Variants in CASZ1 observed in about 807,000 individuals in gnomAD.
The protein encoded by CASZ1 is zinc finger protein castor homolog 1.
A neutral mutation model predicts 135.2 loss-of-function variants in CASZ1; 28 were observed. The ratio of observed to expected loss-of-function variants is 0.21; its 90% CI spans 0.15 to 0.28. The LOEUF is 0.28. Ranked by LOEUF, CASZ1 falls within the 10% of genes least tolerant of loss-of-function variation. CASZ1 has a pLI of 1.00. For synonymous variants in CASZ1, 1,068 were observed against 1,073.4 expected, an observed-to-expected ratio of 0.99 and a Z score of 0.10; for missense variants, 2,161 against 2,453.3, an observed-to-expected ratio of 0.88 and a Z score of 2.52.
rs1639021565 is a variant in CASZ1 at position 10,699,940 on chromosome 1, G to T, written c.-24+5552C>A. Among the ~76,000 whole-genome samples the T allele has an allele frequency of 6.6e-6, 1 of 151,982 alleles. No individual in the cohort carries two copies. The highest frequency in any genetic ancestry group is 2.4e-5 in the African/African-American group (1 of 41,380). On this transcript the variant is annotated intron_variant, in intron 3 of 20. Coordinates refer to ENST00000377022, the MANE Select transcript of CASZ1 (RefSeq NM_001079843.3). This position sits in a 1 kb window ranked among gnomAD's most constrained non-coding sequence, Gnocchi z 4.6. ...GAGAGAGGTAGGTGGGAAGAAAAAG[G>T]TGAGAAGAAACAGAAGAGAAGCAGA...
chr1:10,693,512 A>G (rs976205170), intron 4 of CASZ1, among the ~76,000 whole-genome samples: 2 of 125,792 alleles, frequency 1.6e-5, no homozygotes, highest in Middle Eastern at 4.0e-3. Context: ...AAAAAAAAAA[A>G]AAAAAAAAAA....
intron 5 of CASZ1, 55 bp from the exon 6 acceptor site, chr1:10,660,591 G>C: frequency 6.6e-7 from 1 of 1,515,724 alleles, no homozygotes; most frequent in Non-Finnish European, 8.9e-7. Flanking sequence ...AGGGACAGGA[G>C]GTCCCCCCAC....
At chr1:10,652,655 C>T (rs1207721730) in intron 11 of CASZ1, 2 of 152,236 alleles carry the variant, frequency 1.3e-5, no homozygotes, top group African/African-American at 4.8e-5. Flanking sequence ...GAGAACTGCG[C>T]CCCTCAGTGA....
chr1:10,779,279 ATTTT>A (rs386366223), intron 1 of CASZ1, among the ~76,000 whole-genome samples: 6,007 of 125,190 alleles, frequency 0.048, 170 homozygotes, highest in African/African-American at 0.088. Flanking sequence ...TAATTTTATA[ATTTT>A]TTTTTTTTTT....
chr1:10,696,918 G>A (rs1159107019), intron 3 of CASZ1, among the ~76,000 whole-genome samples: 1 of 152,180 alleles, frequency 6.6e-6, no homozygotes, highest in Non-Finnish European at 1.5e-5. Flanking sequence ...TAACTCGGGG[G>A]GTCTCAGGCA....
intron 1 of CASZ1, among the ~76,000 whole-genome samples, chr1:10,781,411 A>C (rs933939541): frequency 6.6e-6 from 1 of 152,180 alleles, no homozygotes; most frequent in African/African-American, 2.4e-5. Context: ...AGGAGAACCA[A>C]GATGGCGCCA....
chr1:10,665,730 C>T (rs1445108638), intron 4 of CASZ1, among the ~76,000 whole-genome samples, 159 bp from the exon 5 acceptor site: 1 of 152,258 alleles, frequency 6.6e-6, no homozygotes, highest in Non-Finnish European at 1.5e-5. Flanking sequence ...CTATCTCCCC[C>T]ACTAGTCTAT....
rs147928153 is a variant in CASZ1 at position 10,677,779 on chromosome 1, T to G, written c.17-12208A>C. Among the ~76,000 whole-genome samples, 741 of 152,330 alleles carry G rather than the reference T, an allele frequency of 4.9e-3. 4 individuals carry two copies. The highest frequency in any genetic ancestry group is 0.016 in the African/African-American group (684 of 41,568). ...CAGAGCTTTCCGCAGCCTTGGAGATTGCACCAGGCCCCTCGGGCCCCAAAT... is the reference window on the plus strand; with the variant it reads ...CAGAGCTTTCCGCAGCCTTGGAGATGGCACCAGGCCCCTCGGGCCCCAAAT... On this transcript the variant is annotated intron_variant, in intron 4 of 20. Coordinates refer to ENST00000377022, the MANE Select transcript of CASZ1 (RefSeq NM_001079843.3).
At chr1:10,768,128 A>G (rs1342378357) in intron 1 of CASZ1, among the ~76,000 whole-genome samples, 1 of 152,132 alleles carries the variant, frequency 6.6e-6, no homozygotes, top group African/African-American at 2.4e-5. Flanking sequence ...GGCCGCCCTG[A>G]TCTCAGGAGG....
intron 1 of CASZ1, among the ~76,000 whole-genome samples, chr1:10,784,386 C>T (rs975760752): frequency 6.6e-6 from 1 of 152,180 alleles, no homozygotes; most frequent in Non-Finnish European, 1.5e-5. Context: ...CTGCCCAGCA[C>T]AGGACCTCCA....
chr1:10,723,521 C>T (rs545588137), intron 2 of CASZ1, among the ~76,000 whole-genome samples: 8 of 152,364 alleles, frequency 5.3e-5, no homozygotes, highest in Admixed American at 3.3e-4. Context: ...CTCACCCCTG[C>T]CCCGGTGCCC....
intron 1 of CASZ1, among the ~76,000 whole-genome samples, chr1:10,775,319 A>C (rs1570582388): frequency 6.6e-6 from 1 of 151,918 alleles, no homozygotes; most frequent in Non-Finnish European, 1.5e-5. Context: ...TTCTCCGCCT[A>C]CCTATAACCA....
rs1029084923 is a variant in CASZ1, at chr1:10,756,172, G to T, written c.-77+4529C>A. 8.7e-4 allele frequency among the ~76,000 whole-genome samples: 133 copies of T among 152,090 alleles called. 1 individual carries two copies. Among genetic ancestry groups the T allele is most frequent in the Middle Eastern group, 3.4e-3 (1 of 294 alleles). ...GGCCTGGGAGAGCCCCACCACTCCC[G>T]CAAGCCGCTGCCAGCCTGCACTTCT... is the stretch of plus-strand genomic sequence containing the variant. On this transcript the variant is annotated intron_variant, in intron 2 of 20. Coordinates refer to ENST00000377022, the MANE Select transcript of CASZ1 (RefSeq NM_001079843.3). The surrounding 1 kb of genome is among the most constrained non-coding windows in gnomAD (Gnocchi z 5.9).
At chr1:10,763,189 T>C (rs932379111) in intron 1 of CASZ1, among the ~76,000 whole-genome samples, 2 of 152,200 alleles carry the variant, frequency 1.3e-5, no homozygotes, top group African/African-American at 4.8e-5. Context: ...CCGGGGGCCA[T>C]GGATCCCGGT....
Position 10,701,208 on chromosome 1 carries a change from G to A in CASZ1, c.-24+4284C>T, listed in dbSNP as rs977389737. Among the ~76,000 whole-genome samples the A allele has an allele frequency of 2.6e-5, 4 of 152,204 alleles. No individual in the cohort carries two copies. The highest frequency in any genetic ancestry group is 9.7e-5 in the African/African-American group (4 of 41,446). On this transcript the variant is annotated intron_variant, in intron 3 of 20. Coordinates refer to ENST00000377022, the MANE Select transcript of CASZ1 (RefSeq NM_001079843.3). This position sits in a 1 kb window ranked among gnomAD's most constrained non-coding sequence, Gnocchi z 6.3. Reference sequence around the variant, plus strand: ...CAGCTGCTCCCTGGCAGGGAAGCGGGTACGTGGCCCTCCTCCTGCCTCCTG... The same window carrying A: ...CAGCTGCTCCCTGGCAGGGAAGCGGATACGTGGCCCTCCTCCTGCCTCCTG...
Position 10,649,391 on chromosome 1 carries a change from G to C in CASZ1, c.2927C>G (p.Ala976Gly). 2 of 1,610,484 alleles carry C rather than the reference G, an allele frequency of 1.2e-6. No individual in the cohort carries two copies. The highest frequency in any genetic ancestry group is 1.7e-6 in the Non-Finnish European group (2 of 1,178,892). ...PGLGSLLNIK[A>G]EAEGSPAAEP... Reference sequence around the variant, plus strand: ...CGCAGCGGGGCTCCCCTCCGCTTCCGCCTTGATGTTCAGCAGGCTGCCCAG... The same window carrying C: ...CGCAGCGGGGCTCCCCTCCGCTTCCCCCTTGATGTTCAGCAGGCTGCCCAG... Residue 976 changes from alanine (A) to glycine (G), a missense_variant, in exon 14 of 21, where the codon GCG becomes GGG. Around this residue, in one of 7 missense-constraint regions of CASZ1, gnomAD observed 406 missense variants for 387.6 expected, o/e 1.05. Transcript: ENST00000377022.
At position 10,701,405 on chromosome 1, in the gene CASZ1, C is replaced by T. The variant is rs542299040; in HGVS notation, c.-24+4087G>A. On this transcript the variant is annotated intron_variant, in intron 3 of 20. Coordinates refer to ENST00000377022, the MANE Select transcript of CASZ1 (RefSeq NM_001079843.3). The surrounding 1 kb of genome is among the most constrained non-coding windows in gnomAD (Gnocchi z 6.3). ...ATGCTGACAATCACAAACTTTAATTCGCTGCCTGGCTTCTCCCTGCTGTGC... is the reference window on the plus strand; with the variant it reads ...ATGCTGACAATCACAAACTTTAATTTGCTGCCTGGCTTCTCCCTGCTGTGC... Among the ~76,000 whole-genome samples the T allele has an allele frequency of 1.2e-4, 18 of 152,318 alleles. No individual in the cohort carries two copies. The highest frequency in any genetic ancestry group is 1.0e-3 in the South Asian group (5 of 4,826).
chr1:10,647,837 G>A lies in CASZ1; in HGVS notation c.3461C>T (p.Pro1154Leu). 6.2e-7 allele frequency: 1 copy of A among 1,613,942 alleles called. No homozygotes were observed. The highest frequency in any genetic ancestry group is 8.5e-7 in the Non-Finnish European group (1 of 1,180,040). Residue 1154 changes from proline to leucine, a missense_variant, in exon 16 of 21, where the codon CCC becomes CTC. By Grantham distance (98) the Pro-to-Leu change is moderately conservative. Around this residue, in one of 7 missense-constraint regions of CASZ1, gnomAD observed 349 missense variants for 460.8 expected, o/e 0.76. Transcript: ENST00000377022. The surrounding 1 kb of genome is among the most constrained non-coding windows in gnomAD (Gnocchi z 4.9). The stretch of plus-strand genomic sequence containing the variant: ...CTGGAGGAATCCGGGTTTGACCTGG[G>A]GCTTGGCGTTCTCTAGAGAAGTCGT... ...LATTSLENAK[P>L]QVKPGFLQFQ...
chr1:10,701,171 G>A lies in CASZ1; in HGVS notation c.-24+4321C>T, dbSNP rs1197177945. ...AGCTGAGCTGCCCCAGGTGTCTGGTGGGGCTCCTGGGCAGCTGCTCCCTGG... is the reference window on the plus strand; with the variant it reads ...AGCTGAGCTGCCCCAGGTGTCTGGTAGGGCTCCTGGGCAGCTGCTCCCTGG... On this transcript the variant is annotated intron_variant, in intron 3 of 20. Transcript: ENST00000377022. The surrounding 1 kb of genome is among the most constrained non-coding windows in gnomAD (Gnocchi z 6.3). Among the ~76,000 whole-genome samples the A allele has an allele frequency of 1.3e-5, 2 of 152,196 alleles. No homozygotes were observed. The highest frequency in any genetic ancestry group is 4.8e-5 in the African/African-American group (2 of 41,456).
Sources: allele counts gnomAD v4.1 joint callset (sites outside exome capture counted in the v4.1 genomes callset), GRCh38; gene constraint gnomAD v4.1.1; regional missense constraint gnomAD v4.1.1; non-coding constraint Gnocchi (gnomAD v3.1); transcripts MANE v1.5; gene names NCBI Gene and HGNC (gene_info 2026-07-23, HGNC 2026-07-21).